Variants in NDST4 observed in about 807,000 individuals in gnomAD.
NDST4 encodes the protein N-deacetylase and N-sulfotransferase 4.
In NDST4, 63 loss-of-function variants were observed where a neutral mutation model predicts 100.8. That is an observed-to-expected ratio of 0.62 (90% CI 0.51 to 0.77). NDST4 has a LOEUF of 0.77. Among genes scored for constraint, NDST4 ranks in the 30% least tolerant of loss-of-function variants. The pLI, the probability that NDST4 is intolerant of heterozygous loss-of-function variation, is 0.00. For missense variants in NDST4, 943 were observed against 1,018.4 expected, an observed-to-expected ratio of 0.93 and a Z score of 1.01; for synonymous variants, 377 against 361.8, an observed-to-expected ratio of 1.04 and a Z score of -0.48.
intron 2 of NDST4, among the ~76,000 whole-genome samples, chr4:115,014,984 G>T (rs1727643980): frequency 6.6e-6 from 1 of 152,026 alleles, no homozygotes; most frequent in African/African-American, 2.4e-5. Context: ...GTCTAACCTG[G>T]ATTATAAAAA....
chr4:115,087,748 T>C (rs190057626), intron 1 of NDST4, among the ~76,000 whole-genome samples: 1 of 152,038 alleles, frequency 6.6e-6, no homozygotes, highest in Admixed American at 6.6e-5. Flanking sequence ...GATGTAATAT[T>C]ATTAGCCATT....
chr4:114,919,727 C>T (rs138862076), intron 6 of NDST4, among the ~76,000 whole-genome samples: 244 of 152,238 alleles, frequency 1.6e-3, no homozygotes, highest in African/African-American at 5.5e-3. Flanking sequence ...CTCTATTTTA[C>T]GTTTAACAAT....
chr4:115,029,608 G>A (rs1365619719), intron 2 of NDST4, among the ~76,000 whole-genome samples: 1 of 151,998 alleles, frequency 6.6e-6, no homozygotes, highest in Non-Finnish European at 1.5e-5. Context: ...TATGATGTGG[G>A]GGCCGTTAGA....
At chr4:115,020,499 G>A (rs972503963) in intron 2 of NDST4, among the ~76,000 whole-genome samples, 1 of 152,012 alleles carries the variant, frequency 6.6e-6, no homozygotes, top group South Asian at 2.1e-4. Context: ...GTTTAGGCAA[G>A]GATTTCATGA....
At chr4:114,989,395 G>C (rs1467980260) in intron 2 of NDST4, among the ~76,000 whole-genome samples, 1 of 152,154 alleles carries the variant, frequency 6.6e-6, no homozygotes, top group Non-Finnish European at 1.5e-5. Flanking sequence ...ATGTTGCCAT[G>C]CTTACCTATT....
intron 2 of NDST4, among the ~76,000 whole-genome samples, chr4:115,052,643 T>C (rs894693217): frequency 6.6e-6 from 1 of 152,160 alleles, no homozygotes; most frequent in Non-Finnish European, 1.5e-5. Flanking sequence ...CTTATTTGCC[T>C]TCTTTCATGA....
At chr4:115,034,197 T>C (rs1394496417) in intron 2 of NDST4, among the ~76,000 whole-genome samples, 1 of 152,058 alleles carries the variant, frequency 6.6e-6, no homozygotes, top group African/African-American at 2.4e-5. Flanking sequence ...TATTCAAACA[T>C]GTTAATTACA....
intron 2 of NDST4, 76 bp downstream of exon 2, chr4:115,075,983 T>A (rs749189022): frequency 3.7e-5 from 54 of 1,478,024 alleles, no homozygotes; most frequent in Non-Finnish European, 4.6e-5. Flanking sequence ...GGATTAATAA[T>A]CTATCATATT....
intron 2 of NDST4, among the ~76,000 whole-genome samples, chr4:115,048,921 G>A (rs989724204): frequency 3.3e-5 from 5 of 151,936 alleles, no homozygotes; most frequent in African/African-American, 1.2e-4. Flanking sequence ...TTACAGGTGT[G>A]AGCCACTGCG....
intron 2 of NDST4, among the ~76,000 whole-genome samples, chr4:115,052,315 T>C (rs926933176): frequency 1.3e-5 from 2 of 152,158 alleles, no homozygotes; most frequent in African/African-American, 4.8e-5. Context: ...CTCCTAAAAC[T>C]TTTTTACTTT....
At chr4:114,942,105 C>G (rs1725763480) in intron 4 of NDST4, among the ~76,000 whole-genome samples, 1 of 152,158 alleles carries the variant, frequency 6.6e-6, no homozygotes, top group Non-Finnish European at 1.5e-5. Flanking sequence ...AAATGTCATG[C>G]ACTGAGTAGC....
At chr4:115,085,231 G>A (rs907188724) in intron 1 of NDST4, among the ~76,000 whole-genome samples, 1 of 152,166 alleles carries the variant, frequency 6.6e-6, no homozygotes, top group Non-Finnish European at 1.5e-5. Context: ...TTTGGAAGGG[G>A]TATATTTACC....
At chr4:114,937,534 G>C (rs751841316) in intron 4 of NDST4, 31 bp from the exon 5 acceptor site, 2 of 1,485,746 alleles carry the variant, frequency 1.3e-6, no homozygotes, top group Non-Finnish European at 1.8e-6. Context: ...CATCATGATG[G>C]GACAAGGCCA....
intron 6 of NDST4, among the ~76,000 whole-genome samples, chr4:114,882,767 A>T (rs1222611532): frequency 6.6e-6 from 1 of 152,088 alleles, no homozygotes; most frequent in East Asian, 1.9e-4. Flanking sequence ...TAGGAAGCTC[A>T]GGGAACATCA....
chr4:114,956,208 G>A (rs1007603247), intron 4 of NDST4, among the ~76,000 whole-genome samples: 6 of 152,152 alleles, frequency 3.9e-5, no homozygotes, highest in African/African-American at 1.2e-4. Flanking sequence ...TATGAATCTG[G>A]GTGTTACTTT....
At chr4:115,102,141 T>C (rs1729742650) in intron 1 of NDST4, among the ~76,000 whole-genome samples, 1 of 152,198 alleles carries the variant, frequency 6.6e-6, no homozygotes, top group African/African-American at 2.4e-5. Flanking sequence ...TGCTTTGTTT[T>C]AGCTCAATAA....
intron 3 of NDST4, among the ~76,000 whole-genome samples, chr4:114,974,813 T>A (rs1371305934): frequency 6.6e-6 from 1 of 152,096 alleles, no homozygotes; most frequent in African/African-American, 2.4e-5. Context: ...AAAGAATACA[T>A]GAGAAATACA....
At chr4:115,012,081 G>A (rs34682679) in intron 2 of NDST4, among the ~76,000 whole-genome samples, 14,105 of 151,794 alleles carry the variant, frequency 0.093, 876 homozygotes, top group African/African-American at 0.17. Flanking sequence ...GGGTCTTAGA[G>A]CTGATAAATT....
At position 115,036,762 on chromosome 4, in the gene NDST4, C is replaced by T. The variant is rs538828249; in HGVS notation, c.978+39297G>A. Among the ~76,000 whole-genome samples, 6 of 151,790 alleles carry T rather than the reference C, an allele frequency of 4.0e-5. No individual in the cohort carries two copies. In the South Asian group the frequency reaches 1.0e-3, roughly 26 times the overall value. On this transcript the variant is annotated intron_variant, in intron 2 of 13. Transcript: ENST00000264363. ...AAAGTTCTTGACCTCAAAGTATGGT[C>T]TTAAACATAAAGATATTAAAATGAA...
Sources: gnomAD v4.1 joint callset for allele counts (sites outside exome capture counted in the v4.1 genomes callset) on GRCh38, gnomAD v4.1.1 for gene constraint, MANE v1.5 for transcripts, NCBI Gene and HGNC (gene_info 2026-07-23, HGNC 2026-07-21) for gene names.